Variants in VDR observed in about 807,000 individuals in gnomAD.
VDR encodes vitamin D3 receptor.
VDR carries 19 observed loss-of-function variants against 39.7 expected under a neutral mutation model. The ratio of observed to expected loss-of-function variants is 0.48; its 90% CI spans 0.33 to 0.70. VDR has a LOEUF of 0.70. Among genes scored for constraint, VDR ranks in the 30% least tolerant of loss-of-function variants. The pLI is 0.02. For missense variants in VDR, 442 were observed against 570.5 expected (o/e 0.77, Z 2.29); for synonymous variants, 242 against 215.8 (o/e 1.12, Z -1.07).
chr12:47,859,923 TTTTCTTTCTTTCTTTCTTTC>T (rs778112133), intron 4 of VDR, among the ~76,000 whole-genome samples: 5 of 50,956 alleles, frequency 9.8e-5, no homozygotes, highest in Admixed American at 9.6e-4. Flanking sequence ...CCTTCTTTCT[TTTTCTTTCTTTCTTTCTTTC>T]TTTCTTTCTT....
chr12:47,845,337 T>A lies in VDR; in HGVS notation c.1025-332A>T, dbSNP rs542009703. 2.0e-5 allele frequency among the ~76,000 whole-genome samples: 3 copies of A among 151,756 alleles called. No homozygotes were observed. In the South Asian group the frequency reaches 6.3e-4, roughly 32 times the overall value. ...CCTTCACATCTGTGCTCCCTCTGCT[T>A]GGAACTCTGCTCTGCTATCTTTGCC... is the stretch of plus-strand genomic sequence containing the variant. On this transcript the variant is annotated intron_variant, in intron 9 of 9. Transcript: ENST00000549336.
At chr12:47,882,636 A>ACCCCC in intron 2 of VDR, 58 bp downstream of exon 2, 7 of 266,080 alleles carry the variant, frequency 2.6e-5, no homozygotes, top group Middle Eastern at 1.1e-3. Flanking sequence ...CCTCCCCCCC[A>ACCCCC]CCCCGCCCCT....
chr12:47,841,904 A>G lies in VDR; in HGVS notation c.*2842T>C, dbSNP rs1383750340. On this transcript the variant is annotated 3_prime_UTR_variant, in exon 10 of 10. Transcript: ENST00000549336. ...TAATGATATACCTTAAAAGTTTTACATTTACAAATGTCTATTTCACACTCT... is the reference window on the plus strand; with the variant it reads ...TAATGATATACCTTAAAAGTTTTACGTTTACAAATGTCTATTTCACACTCT... 6.6e-6 allele frequency: 1 copy of G among 152,332 alleles called. No individual in the cohort carries two copies. The highest frequency in any genetic ancestry group is 1.5e-5 in the Non-Finnish European group (1 of 68,028). 9.4% of individuals were successfully genotyped at this position (152,332 alleles called of 1,614,324 possible).
intron 1 of VDR, among the ~76,000 whole-genome samples, chr12:47,889,473 C>T (rs1175658348): frequency 2.0e-5 from 3 of 152,146 alleles, no homozygotes; most frequent in Non-Finnish European, 2.9e-5. Context: ...TGCTCCTGCC[C>T]GACTAACTCC....
intron 3 of VDR, among the ~76,000 whole-genome samples, chr12:47,871,292 C>CTTTCTTTCTTTCTTTCTTTCTTTCTT (rs754929705): frequency 6.3e-5 from 5 of 79,878 alleles, no homozygotes; most frequent in Admixed American, 1.5e-4. Flanking sequence ...CTTTCTCTTT[C>CTTTCTTTCTTTCTTTCTTTCTTTCTT]TCTTTCTTTC....
At chr12:47,852,506 C>T (rs1029603278) in intron 7 of VDR, among the ~76,000 whole-genome samples, 1 of 152,206 alleles carries the variant, frequency 6.6e-6, no homozygotes, top group African/African-American at 2.4e-5. Flanking sequence ...CAAGATCTGT[C>T]GCTTGCTCCT....
intron 1 of VDR, among the ~76,000 whole-genome samples, chr12:47,894,788 C>T (rs952403479): frequency 5.9e-5 from 9 of 152,224 alleles, no homozygotes; most frequent in Non-Finnish European, 1.3e-4. Flanking sequence ...ATTTAGGGCC[C>T]TTCCCATGTC....
rs1440932619 is a variant in VDR at position 47,879,083 on chromosome 12, G to A, written c.31C>T (p.Pro11Ser). The A allele has an allele frequency of 1.2e-6, 2 of 1,614,078 alleles. No individual in the cohort carries two copies. The highest frequency in any genetic ancestry group is 2.2e-5 in the East Asian group (1 of 44,870). Residue 11 changes from proline to serine, a missense_variant, in exon 3 of 10, where the codon CCT (proline) becomes TCT (serine). Physicochemically the swap from Pro to Ser is moderately conservative, Grantham distance 74 (BLOSUM62 -1). This residue lies in a region of VDR where 141 missense variants were observed against 141.3 expected (regional missense o/e 1.00). Transcript: ENST00000549336. ...TTCCGGTCAAAGTCTCCAGGGTCAG[G>A]CAGGGAAGTGCTGGCCGCCATTGCC... is the stretch of plus-strand genomic sequence containing the variant. The part of the protein sequence containing the change: MEAMAASTSL[P>S]DPGDFDRNVP...
rs739837 is a variant in VDR, at chr12:47,844,438, G to C, written c.*308C>G. The C allele has an allele frequency of 9.2e-6, 5 of 540,640 alleles. No homozygotes were observed. The highest frequency in any genetic ancestry group is 1.7e-5 in the Non-Finnish European group (5 of 298,822). The allele number at this position is 540,640 out of a possible 1,614,324, so 33.5% of individuals were successfully genotyped here. A position where few individuals can be genotyped will look rare whatever the true frequency, so the allele number is the denominator to read the frequency against. Reference sequence around the variant, plus strand: ...CTCAACATCAGTCAGCAGCCACTTAGGCAGCGGTGGAGGCATCTCTGGGCA... The same window carrying C: ...CTCAACATCAGTCAGCAGCCACTTACGCAGCGGTGGAGGCATCTCTGGGCA... On this transcript the variant is annotated 3_prime_UTR_variant, in exon 10 of 10. Coordinates refer to ENST00000549336, the MANE Select transcript of VDR (RefSeq NM_000376.3).
chr12:47,884,229 A>C (rs1372185587), intron 1 of VDR, among the ~76,000 whole-genome samples: 1 of 152,170 alleles, frequency 6.6e-6, no homozygotes, highest in Admixed American at 6.5e-5. Context: ...ACATCCAGAT[A>C]GACAACCACC....
chr12:47,888,336 G>T (rs1946300365), intron 1 of VDR, among the ~76,000 whole-genome samples: 1 of 152,064 alleles, frequency 6.6e-6, no homozygotes, highest in African/African-American at 2.4e-5. Context: ...ATATCACAGG[G>T]CTAGTGGGTC....
intron 4 of VDR, among the ~76,000 whole-genome samples, chr12:47,861,927 C>T (rs367630173): frequency 3.9e-5 from 6 of 152,286 alleles, no homozygotes; most frequent in East Asian, 1.9e-4. Context: ...TCCAAATGAA[C>T]GGCACAGACA....
chr12:47,895,867 T>C (rs191120850), intron 1 of VDR, among the ~76,000 whole-genome samples: 9 of 152,368 alleles, frequency 5.9e-5, no homozygotes, highest in Admixed American at 4.6e-4. Flanking sequence ...CGAGAGGGGC[T>C]GCTCCCATCA....
intron 3 of VDR, among the ~76,000 whole-genome samples, chr12:47,865,586 A>ATTT (rs1375070975): frequency 6.7e-6 from 1 of 149,626 alleles, no homozygotes; most frequent in African/African-American, 2.5e-5. Flanking sequence ...TAATTTTTTG[A>ATTT]TTTTTTTGTA....
chr12:47,875,772 C>T (rs183593566), intron 3 of VDR, among the ~76,000 whole-genome samples: 69 of 152,326 alleles, frequency 4.5e-4, no homozygotes, highest in East Asian at 4.4e-3. Flanking sequence ...ACAAAATTTT[C>T]ATCAACTGAT....
At chr12:47,856,965 C>T (rs1363044824) in intron 6 of VDR, among the ~76,000 whole-genome samples, 164 bp downstream of exon 6, 1 of 152,362 alleles carries the variant, frequency 6.6e-6, no homozygotes. Context: ...TCACCCCTTT[C>T]TGTAACAGAG....
chr12:47,846,218 C>CT, intron 9 of VDR, 117 bp downstream of exon 9: 3 of 838,650 alleles, frequency 3.6e-6, no homozygotes, highest in Non-Finnish European at 5.9e-6. Flanking sequence ...ATTTCCTTAT[C>CT]TGTGTCTCCT....
chr12:47,898,512 C>G (rs1406846843), intron 1 of VDR: 2 of 153,030 alleles, frequency 1.3e-5, no homozygotes, highest in African/African-American at 4.8e-5. Flanking sequence ...TAGGTATGTG[C>G]CCTACAGAAA....
chr12:47,886,493 C>G lies in VDR; in HGVS notation c.-83-3719G>C, dbSNP rs559507650. Among the ~76,000 whole-genome samples the G allele has an allele frequency of 3.9e-5, 6 of 152,318 alleles. No individual in the cohort carries two copies. In the East Asian group the frequency reaches 1.2e-3, roughly 29 times the overall value. On this transcript the variant is annotated intron_variant, in intron 1 of 9. Coordinates refer to ENST00000549336, the MANE Select transcript of VDR (RefSeq NM_000376.3). ...CTCAGTACCTCCCAGAAGAAGCTGACAGAGAACAGAGTGATAATAATGGGG... is the reference window on the plus strand; with the variant it reads ...CTCAGTACCTCCCAGAAGAAGCTGAGAGAGAACAGAGTGATAATAATGGGG...
Sources: allele counts gnomAD v4.1 joint callset (sites outside exome capture counted in the v4.1 genomes callset), GRCh38; gene constraint gnomAD v4.1.1; regional missense constraint gnomAD v4.1.1; transcripts MANE v1.5; gene names NCBI Gene and HGNC (gene_info 2026-07-23, HGNC 2026-07-21).